EPB41L4A: variants seen among roughly 807,000 people sequenced by gnomAD.
EPB41L4A encodes band 4.1-like protein 4A.
EPB41L4A carries 100 observed loss-of-function variants against 108.6 expected under a neutral mutation model. That is an observed-to-expected ratio of 0.92 (90% confidence interval 0.78 to 1.09). The LOEUF is 1.09. Ranked by LOEUF, EPB41L4A falls within the 50% of genes least tolerant of loss-of-function variation. The pLI, the probability that EPB41L4A is intolerant of heterozygous loss-of-function variation, is 0.00. For missense variants in EPB41L4A, 1,030 were observed against 842.7 expected, an observed-to-expected ratio of 1.22 and a Z score of -2.75; for synonymous variants, 319 against 289.0, an observed-to-expected ratio of 1.10 and a Z score of -1.05.
At position 112,170,125 on chromosome 5, in the gene EPB41L4A, G is replaced by C. The variant is rs149480296; in HGVS notation, c.1739+176C>G. On this transcript the variant is annotated intron_variant, in intron 20 of 22. Coordinates refer to ENST00000261486, the MANE Select transcript of EPB41L4A (RefSeq NM_022140.5). ...CTAATAAGAGATGATAGTGATTATAGTGTAGAATAAGTAGCTTTAATGCAC... is the reference window on the plus strand; with the variant it reads ...CTAATAAGAGATGATAGTGATTATACTGTAGAATAAGTAGCTTTAATGCAC... The C allele has an allele frequency of 4.8e-3, 3,006 of 628,102 alleles. 106 individuals are homozygous for C. The highest frequency in any genetic ancestry group is 0.047 in the South Asian group (2,366 of 50,000). The allele number at this position is 628,102 out of a possible 1,614,324, so 38.9% of individuals were successfully genotyped here.
chr5:112,300,514 C>G (rs1754282349), intron 2 of EPB41L4A, among the ~76,000 whole-genome samples: 1 of 152,188 alleles, frequency 6.6e-6, no homozygotes, highest in Non-Finnish European at 1.5e-5. Flanking sequence ...GCTGAGAAAT[C>G]TGCTGTTAAT....
At chr5:112,408,613 T>C (rs1194769280) in intron 1 of EPB41L4A, among the ~76,000 whole-genome samples, 3 of 133,330 alleles carry the variant, frequency 2.3e-5, no homozygotes, top group African/African-American at 8.6e-5. Context: ...AATCCCACTT[T>C]GGGAGAATCA....
At chr5:112,222,620 G>A (rs1220586922) in intron 12 of EPB41L4A, among the ~76,000 whole-genome samples, 2 of 152,162 alleles carry the variant, frequency 1.3e-5, no homozygotes, top group Non-Finnish European at 2.9e-5. Context: ...TTCTCACAGT[G>A]AGCCAACTCC....
intron 12 of EPB41L4A, among the ~76,000 whole-genome samples, chr5:112,222,918 G>A (rs1748170603): frequency 6.7e-6 from 1 of 149,304 alleles, no homozygotes; most frequent in Admixed American, 6.7e-5. Context: ...GCCAAGCAGG[G>A]CACCTGCTCC....
At chr5:112,171,042 C>T in intron 18 of EPB41L4A, 50 bp from the exon 19 acceptor site, 1 of 1,487,722 alleles carries the variant, frequency 6.7e-7, no homozygotes, top group Non-Finnish European at 9.4e-7. Context: ...CTTCATCTCA[C>T]AACCTAATAA....
At chr5:112,407,354 C>A (rs1487344743) in intron 1 of EPB41L4A, among the ~76,000 whole-genome samples, 2 of 152,162 alleles carry the variant, frequency 1.3e-5, no homozygotes, top group Non-Finnish European at 2.9e-5. Context: ...GATTGTAGTT[C>A]AATTCCACAA....
Position 112,418,291 on chromosome 5 carries a change from CT to C in EPB41L4A, c.99+649del, listed in dbSNP as rs1410596149. ...AGAGGATCTCTGCGAGCTCTGCTGC[CT>C]TTTTGTTTGGGCTCTCTAGGTTAAT... On this transcript the variant is annotated intron_variant, in intron 1 of 22. Transcript: ENST00000261486. 2.0e-5 allele frequency among the ~76,000 whole-genome samples: 3 copies of C among 152,274 alleles called. No homozygotes were observed. The East Asian group carries it at 5.8e-4, about 29-fold the overall frequency.
chr5:112,145,453 AAAAT>A (rs1466780343), intron 13 of EPB41L4A, among the ~76,000 whole-genome samples: 8 of 152,220 alleles, frequency 5.3e-5, no homozygotes, highest in Non-Finnish European at 1.0e-4. Flanking sequence ...TTTATGAATC[AAAAT>A]AAATAAATAA....
At chr5:112,184,915 AT>A (rs1325496312) in intron 17 of EPB41L4A, among the ~76,000 whole-genome samples, 1 of 152,200 alleles carries the variant, frequency 6.6e-6, no homozygotes, top group East Asian at 1.9e-4. Flanking sequence ...CTTGCAACCA[AT>A]TCTAAAGCAT....
chr5:112,194,198 T>C (rs560311294), intron 17 of EPB41L4A, among the ~76,000 whole-genome samples: 1 of 152,132 alleles, frequency 6.6e-6, no homozygotes, highest in East Asian at 1.9e-4. Flanking sequence ...TTATTTTTGG[T>C]TGGGTAAAAT....
At position 112,418,928 on chromosome 5, in the gene EPB41L4A, G is replaced by A. The variant is rs1243868284; in HGVS notation, c.99+13C>T. ...GCCGCCAACCCCCGGAACGCGCTCC[G>A]GGCCGCACCCACCTTGATGCCCTGC... On this transcript the variant is annotated intron_variant, in intron 1 of 22. Coordinates refer to ENST00000261486, the MANE Select transcript of EPB41L4A (RefSeq NM_022140.5). 3 of 1,608,996 alleles carry A rather than the reference G, an allele frequency of 1.9e-6. No individual in the cohort carries two copies. Among genetic ancestry groups the A allele is most frequent in the Non-Finnish European group, 2.6e-6 (3 of 1,176,204 alleles).
chr5:112,419,147 G>A lies in EPB41L4A; in HGVS notation c.-108C>T, dbSNP rs1762913246. 3.6e-6 allele frequency: 3 copies of A among 826,520 alleles called. No homozygotes were observed. The highest frequency in any genetic ancestry group is 2.8e-5 in the East Asian group (1 of 35,896). 51.2% of individuals were successfully genotyped at this position (826,520 alleles called of 1,614,324 possible). On this transcript the variant is annotated 5_prime_UTR_variant, in exon 1 of 23. Coordinates refer to ENST00000261486, the MANE Select transcript of EPB41L4A (RefSeq NM_022140.5). ...AATTTATTGTCCGCGCCGTGGCGAG[G>A]GTGAGACGAGCAGCTCCCGGCGGGG...
intron 12 of EPB41L4A, among the ~76,000 whole-genome samples, chr5:112,229,740 G>A (rs1277335984): frequency 2.0e-5 from 3 of 152,184 alleles, no homozygotes; most frequent in Non-Finnish European, 2.9e-5. Context: ...TGTAATCCCA[G>A]CACTTTCGGA....
At chr5:112,177,333 A>G (rs1479804689) in intron 18 of EPB41L4A, among the ~76,000 whole-genome samples, 1 of 152,162 alleles carries the variant, frequency 6.6e-6, no homozygotes. Context: ...TCAAACTGAA[A>G]CACTCTTCCT....
chr5:112,381,082 C>T (rs184535877), intron 1 of EPB41L4A, among the ~76,000 whole-genome samples: 2 of 152,216 alleles, frequency 1.3e-5, no homozygotes, highest in Non-Finnish European at 2.9e-5. Flanking sequence ...GAGCGTGAGG[C>T]GGCTATGATA....
At chr5:112,169,470 C>T (rs1040107476) in intron 20 of EPB41L4A, among the ~76,000 whole-genome samples, 8 of 151,880 alleles carry the variant, frequency 5.3e-5, no homozygotes, top group African/African-American at 9.7e-5. Context: ...AAAGTTGGTC[C>T]GCTGTCCTAG....
chr5:112,300,569 A>AG (rs1376932963), intron 2 of EPB41L4A, among the ~76,000 whole-genome samples: 4 of 152,166 alleles, frequency 2.6e-5, no homozygotes, highest in Non-Finnish European at 5.9e-5. Context: ...TTTGCCTCAC[A>AG]GCTACTAAGA....
intron 2 of EPB41L4A, among the ~76,000 whole-genome samples, chr5:112,282,155 G>A (rs1374354689): frequency 6.6e-6 from 1 of 152,156 alleles, no homozygotes; most frequent in Non-Finnish European, 1.5e-5. Context: ...TAAAAATGAG[G>A]CTTTGGTGTT....
At chr5:112,148,127 AT>A (rs1759332984) in intron 12 of EPB41L4A, among the ~76,000 whole-genome samples, 1 of 148,276 alleles carries the variant, frequency 6.7e-6, no homozygotes, top group Non-Finnish European at 1.5e-5. Flanking sequence ...ATATAATAAT[AT>A]AATAGTATTA....
Sources: gnomAD v4.1 joint callset for allele counts (sites outside exome capture counted in the v4.1 genomes callset) on GRCh38, gnomAD v4.1.1 for gene constraint, MANE v1.5 for transcripts, NCBI Gene and HGNC (gene_info 2026-07-23, HGNC 2026-07-21) for gene names.